LRRC28: variants seen among roughly 807,000 people sequenced by gnomAD.
LRRC28 encodes the protein leucine-rich repeat-containing protein 28.
In LRRC28, 39 loss-of-function variants were observed where a neutral mutation model predicts 45.7. The ratio of observed to expected loss-of-function variants is 0.85; its 90% confidence interval spans 0.66 to 1.12. LRRC28 has a LOEUF of 1.12. Among genes scored for constraint, LRRC28 ranks in the 50% most tolerant of loss-of-function variants. The pLI is 0.00. For missense variants in LRRC28, 435 were observed against 438.5 expected (o/e 0.99, Z 0.07); for synonymous variants, 206 against 178.8 (o/e 1.15, Z -1.22).
At chr15:99,254,103 T>A (rs1306300972) in intron 1 of LRRC28, among the ~76,000 whole-genome samples, 1 of 152,264 alleles carries the variant, frequency 6.6e-6, no homozygotes, top group Non-Finnish European at 1.5e-5. Flanking sequence ...AATAATTACC[T>A]ATGAAGTTTC....
chr15:99,376,543 A>G (rs542583965), intron 9 of LRRC28, among the ~76,000 whole-genome samples: 10 of 152,094 alleles, frequency 6.6e-5, no homozygotes, highest in African/African-American at 2.4e-4. Context: ...GTTGAAAAAA[A>G]ATTTTTTATA....
At chr15:99,254,612 C>T (rs2080962854) in intron 1 of LRRC28, among the ~76,000 whole-genome samples, 1 of 152,174 alleles carries the variant, frequency 6.6e-6, no homozygotes, top group African/African-American at 2.4e-5. Context: ...TCTTGTGAGT[C>T]AGTGTCTGTG....
chr15:99,302,669 G>C (rs1955028064), intron 5 of LRRC28, among the ~76,000 whole-genome samples: 1 of 152,160 alleles, frequency 6.6e-6, no homozygotes, highest in African/African-American at 2.4e-5. Flanking sequence ...ATACAATCTA[G>C]TTTTAGAAGA....
intron 7 of LRRC28, chr15:99,353,776 C>T (rs1405084149): frequency 6.6e-6 from 1 of 152,222 alleles, no homozygotes; most frequent in Non-Finnish European, 1.5e-5. Context: ...GAAATGCGAT[C>T]TGCATCTCTG....
intron 9 of LRRC28, among the ~76,000 whole-genome samples, chr15:99,377,778 A>G (rs561706582): frequency 3.3e-5 from 5 of 152,050 alleles, no homozygotes; most frequent in African/African-American, 1.2e-4. Flanking sequence ...CAGTTTTCCC[A>G]GCACCATTTA....
chr15:99,287,705 G>A, intron 4 of LRRC28, 109 bp from the exon 5 acceptor site: 2 of 1,232,150 alleles, frequency 1.6e-6, no homozygotes, highest in Non-Finnish European at 1.1e-6. Context: ...GTGAGCAACT[G>A]AGACAAGGAA....
At position 99,363,538 on chromosome 15, in the gene LRRC28, C is replaced by G. The variant is rs1006498426; in HGVS notation, c.1031+273C>G. The G allele has an allele frequency of 1.1e-5, 3 of 279,390 alleles. No homozygotes were observed. In the East Asian group the frequency reaches 2.1e-4, roughly 20 times the overall value. 17.3% of individuals were successfully genotyped at this position (279,390 alleles called of 1,614,324 possible). On this transcript the variant is annotated intron_variant, in intron 9 of 9. Transcript: ENST00000301981. ...TGTGAGAATGTTTTCCTGCTATTTCCCTATTCACAGTAGCCTTTAGGCAAT... is the reference window on the plus strand; with the variant it reads ...TGTGAGAATGTTTTCCTGCTATTTCGCTATTCACAGTAGCCTTTAGGCAAT...
At chr15:99,313,767 AT>A (rs1955498810) in intron 5 of LRRC28, among the ~76,000 whole-genome samples, 1 of 151,472 alleles carries the variant, frequency 6.6e-6, no homozygotes, top group Non-Finnish European at 1.5e-5. Context: ...TCTTTTCCTT[AT>A]GGATTTTGCC....
chr15:99,293,432 A>G (rs189548104), intron 5 of LRRC28, among the ~76,000 whole-genome samples: 1 of 151,632 alleles, frequency 6.6e-6, no homozygotes, highest in Non-Finnish European at 1.5e-5. Flanking sequence ...CATCTCTACT[A>G]AAAATACAAA....
intron 5 of LRRC28, 122 bp from the exon 6 acceptor site, chr15:99,333,801 C>A: frequency 9.8e-7 from 1 of 1,018,410 alleles, no homozygotes; most frequent in Non-Finnish European, 1.5e-6. Flanking sequence ...CTTCAGCATT[C>A]ATGTTTATGG....
At chr15:99,343,197 A>ATGT (rs764833173) in intron 6 of LRRC28, among the ~76,000 whole-genome samples, 45 of 152,156 alleles carry the variant, frequency 3.0e-4, no homozygotes, top group Non-Finnish European at 5.4e-4. Context: ...GATTGCTTTG[A>ATGT]TGTTGTTGTT....
chr15:99,378,729 A>T (rs1048155829), intron 9 of LRRC28, among the ~76,000 whole-genome samples: 1 of 152,136 alleles, frequency 6.6e-6, no homozygotes, highest in African/African-American at 2.4e-5. Context: ...TACCTAATTT[A>T]TTTAGAGTTT....
At chr15:99,353,852 T>G (rs970286893) in intron 7 of LRRC28, 2 of 152,232 alleles carry the variant, frequency 1.3e-5, no homozygotes, top group African/African-American at 4.8e-5. Flanking sequence ...ATAGATGTTA[T>G]TGACTACTAG....
chr15:99,350,723 C>T (rs1956851519), intron 6 of LRRC28, among the ~76,000 whole-genome samples: 1 of 152,190 alleles, frequency 6.6e-6, no homozygotes, highest in South Asian at 2.1e-4. Context: ...GAGGAGCTCT[C>T]CTTCAGCCTA....
chr15:99,379,635 G>A (rs1016430918), intron 9 of LRRC28, among the ~76,000 whole-genome samples: 3 of 151,984 alleles, frequency 2.0e-5, no homozygotes, highest in Non-Finnish European at 4.4e-5. Flanking sequence ...GTGATGTTAG[G>A]GTGTCAATTT....
intron 9 of LRRC28, among the ~76,000 whole-genome samples, chr15:99,378,544 C>T (rs578008365): frequency 1.3e-5 from 2 of 152,296 alleles, no homozygotes; most frequent in South Asian, 4.2e-4. Context: ...TTTCTCCTGC[C>T]TGATTGCCCT....
intron 2 of LRRC28, among the ~76,000 whole-genome samples, chr15:99,257,052 C>T (rs2081043230): frequency 6.6e-6 from 1 of 152,162 alleles, no homozygotes; most frequent in Admixed American, 6.5e-5. Flanking sequence ...ATCTTATTGG[C>T]TTCAAGTATA....
chr15:99,350,789 T>A (rs1187707092), intron 6 of LRRC28, among the ~76,000 whole-genome samples: 1 of 152,182 alleles, frequency 6.6e-6, no homozygotes, highest in African/African-American at 2.4e-5. Flanking sequence ...ATGTTCTTTC[T>A]TTTTTCTCTC....
intron 3 of LRRC28, among the ~76,000 whole-genome samples, 171 bp from the exon 4 acceptor site, chr15:99,287,086 G>GT (rs2081977379): frequency 6.6e-6 from 1 of 152,144 alleles, no homozygotes; most frequent in Non-Finnish European, 1.5e-5. Flanking sequence ...TTTTCTCAAA[G>GT]TATTATTAGT....
Sources: allele counts gnomAD v4.1 joint callset (sites outside exome capture counted in the v4.1 genomes callset), GRCh38; gene constraint gnomAD v4.1.1; transcripts MANE v1.5; gene names NCBI Gene and HGNC (gene_info 2026-07-23, HGNC 2026-07-21).